Variants in GATC observed in about 807,000 individuals in gnomAD.
The protein encoded by GATC is glutamyl-tRNA(Gln) amidotransferase subunit C, mitochondrial.
GATC carries 11 observed loss-of-function variants against 14.4 expected under a neutral mutation model. The observed-to-expected ratio is 0.77, with a 90% CI of 0.48 to 1.27. The LOEUF (loss-of-function observed/expected upper bound fraction) is 1.27, where lower values mean the gene tolerates loss of function less well. Among genes scored for constraint, GATC ranks in the 50% most tolerant of loss-of-function variants. The pLI is 0.00. For synonymous variants in GATC, 76 were observed against 79.3 expected, an observed-to-expected ratio of 0.96 and a Z score of 0.22; for missense variants, 204 against 183.0, an observed-to-expected ratio of 1.11 and a Z score of -0.66.
chr12:120,448,730 C>G (rs1211045707), intron 2 of GATC, among the ~76,000 whole-genome samples: 5 of 146,904 alleles, frequency 3.4e-5, no homozygotes, highest in Admixed American at 2.7e-4. Flanking sequence ...ACTGCAACCT[C>G]CACCTTCCGG....
intron 2 of GATC, chr12:120,450,795 T>A (rs560096342): frequency 6.6e-6 from 1 of 152,252 alleles, no homozygotes; most frequent in South Asian, 2.1e-4. Context: ...CATCCTTCTT[T>A]GCAGGAGGCC....
At chr12:120,451,589 A>C (rs1046904146) in intron 2 of GATC, among the ~76,000 whole-genome samples, 2 of 151,784 alleles carry the variant, frequency 1.3e-5, no homozygotes, top group Non-Finnish European at 2.9e-5. Flanking sequence ...TAAAAATACA[A>C]AAATTAGCCG....
chr12:120,453,619 T>A (rs939741867), intron 2 of GATC, among the ~76,000 whole-genome samples: 2 of 152,204 alleles, frequency 1.3e-5, no homozygotes, highest in Admixed American at 6.5e-5. Context: ...TCCAAGAAAG[T>A]GAAGCAACTC....
intron 2 of GATC, among the ~76,000 whole-genome samples, chr12:120,451,875 C>CTTTTTTTTTTTCTTTTTTTTTTTTTTT (rs1382761116): frequency 5.5e-5 from 5 of 90,794 alleles, no homozygotes; most frequent in African/African-American, 1.7e-4. Flanking sequence ...TATATAAATT[C>CTTTTTTTTTTTCTTTTTTTTTTTTTTT]TTTTTTTTTT....
chr12:120,455,706 G>T (rs1271695648), intron 2 of GATC, among the ~76,000 whole-genome samples: 3 of 150,886 alleles, frequency 2.0e-5, no homozygotes, highest in Non-Finnish European at 4.4e-5. Flanking sequence ...TTTTTTTTGA[G>T]GCAGAGTATC....
intron 2 of GATC, chr12:120,454,949 G>A (rs1878142882): frequency 2.3e-6 from 1 of 443,472 alleles, no homozygotes; most frequent in African/African-American, 2.0e-5. Flanking sequence ...GTGCAGTGGT[G>A]TGATCTCCGC....
At position 120,460,350 on chromosome 12, in the gene GATC, A is replaced by C. The variant is rs893755187; in HGVS notation, c.*391A>C. 1 of 160,340 alleles carries C rather than the reference A, an allele frequency of 6.2e-6. No homozygotes were observed. The highest frequency in any genetic ancestry group is 1.4e-5 in the Non-Finnish European group (1 of 73,446). The allele number at this position is 160,340 out of a possible 1,614,324, so 9.9% of individuals were successfully genotyped here. On this transcript the variant is annotated 3_prime_UTR_variant, in exon 4 of 4. Transcript: ENST00000551765. Reference sequence around the variant, plus strand: ...TCACTATGTGACAACCTTGGCTGTCATTTTTAGTTGCCATTTGCATTGATT... The same window carrying C: ...TCACTATGTGACAACCTTGGCTGTCCTTTTTAGTTGCCATTTGCATTGATT...
Position 120,459,712 on chromosome 12 carries a change from C to T in GATC, c.359-195C>T, listed in dbSNP as rs565140563. On this transcript the variant is annotated intron_variant, in intron 3 of 3. Coordinates refer to ENST00000551765, the MANE Select transcript of GATC (RefSeq NM_176818.3). ...TCTATTAAAAATACAAAAAATTAGCCGGGAGAGGTGGCGGGCGCCTGTAGT... is the reference window on the plus strand; with the variant it reads ...TCTATTAAAAATACAAAAAATTAGCTGGGAGAGGTGGCGGGCGCCTGTAGT... 1.4e-4 allele frequency among the ~76,000 whole-genome samples: 21 copies of T among 152,200 alleles called. No individual in the cohort carries two copies. In the East Asian group the frequency reaches 2.3e-3, roughly 17 times the overall value.
At position 120,460,054 on chromosome 12, in the gene GATC, GTCCC is replaced by G; in HGVS notation, c.*96_*99del. On this transcript the variant is annotated 3_prime_UTR_variant, in exon 4 of 4. Coordinates refer to ENST00000551765, the MANE Select transcript of GATC (RefSeq NM_176818.3). ...AATACTAATGTTCCTGCTTTTTTCAGTCCCCTGAAAAAATGGATGCTCAAGCATT... is the reference window on the plus strand; with the variant it reads ...AATACTAATGTTCCTGCTTTTTTCAGCTGAAAAAATGGATGCTCAAGCATT... 2.2e-6 allele frequency: 2 copies of G among 917,914 alleles called. No individual in the cohort carries two copies. Among genetic ancestry groups the G allele is most frequent in the Non-Finnish European group, 3.4e-6 (2 of 585,844 alleles). The allele number at this position is 917,914 out of a possible 1,614,324, so 56.9% of individuals were successfully genotyped here.
At chr12:120,452,593 G>A (rs1391379207) in intron 2 of GATC, among the ~76,000 whole-genome samples, 1 of 152,020 alleles carries the variant, frequency 6.6e-6, no homozygotes, top group Non-Finnish European at 1.5e-5. Flanking sequence ...GTGGAGACAG[G>A]ATCTTGCTGT....
In GATC at chr12:120,457,602, CTTT is replaced by C. The variant is rs3999474; in HGVS notation, c.358+442_358+444del. On this transcript the variant is annotated intron_variant, in intron 3 of 3. Coordinates refer to ENST00000551765, the MANE Select transcript of GATC (RefSeq NM_176818.3). ...AAACCAGTCCTTTCCTAAAAGAATC[CTTT>C]TTTTTTTTTTTTTTTTTTGAGACGG... Among the ~76,000 whole-genome samples, 530 of 103,582 alleles carry C rather than the reference CTTT, an allele frequency of 5.1e-3. 2 individuals carry two copies. The highest frequency in any genetic ancestry group is 0.018 in the African/African-American group (449 of 25,168). The allele number at this position is 103,582 out of a possible 152,430, so 68.0% of individuals were successfully genotyped here.
In GATC at chr12:120,449,439, G is replaced by GTGTTT. The variant is rs147739868; in HGVS notation, c.254+2632_254+2636dup. On this transcript the variant is annotated intron_variant, in intron 2 of 3. Coordinates refer to ENST00000551765, the MANE Select transcript of GATC (RefSeq NM_176818.3). The stretch of plus-strand genomic sequence containing the variant: ...GGTTGGCACTGAGTATTCAGTAAAT[G>GTGTTT]TGTTTTGTTTTGTTTTGTTTTGTTT... 2.3e-3 allele frequency among the ~76,000 whole-genome samples: 351 copies of GTGTTT among 151,938 alleles called. 5 individuals are homozygous for GTGTTT. The East Asian group carries it at 0.04, about 17-fold the overall frequency.
intron 2 of GATC, among the ~76,000 whole-genome samples, chr12:120,448,208 C>T (rs1202430013): frequency 6.6e-6 from 1 of 151,778 alleles, no homozygotes; most frequent in Non-Finnish European, 1.5e-5. Flanking sequence ...AGGTGTGCAC[C>T]ACCACACCTG....
At chr12:120,454,957 CG>C in intron 2 of GATC, 1 of 449,992 alleles carries the variant, frequency 2.2e-6, no homozygotes, top group Non-Finnish European at 4.5e-6. Flanking sequence ...GTGTGATCTC[CG>C]CTCACTACAA....
intron 3 of GATC, among the ~76,000 whole-genome samples, chr12:120,458,033 G>A (rs1051277638): frequency 2.0e-4 from 30 of 152,024 alleles, no homozygotes; most frequent in Admixed American, 1.2e-3. Flanking sequence ...GTGTTGCCAG[G>A]CAGGAATGTA....
At position 120,457,170 on chromosome 12, in the gene GATC, GC is replaced by G. The variant is rs771445583; in HGVS notation, c.356del (p.Pro119GlnfsTer20). The G allele has an allele frequency of 4.3e-6, 7 of 1,609,332 alleles. No individual in the cohort carries two copies. The highest frequency in any genetic ancestry group is 1.7e-5 in the Admixed American group (1 of 59,800). On this transcript the variant is annotated frameshift_variant, in exon 3 of 4. Coordinates refer to ENST00000551765, the MANE Select transcript of GATC (RefSeq NM_176818.3). LOFTEE classifies it high-confidence loss of function. Reference sequence around the variant, plus strand: ...TCGCGTCGTGGAGGAGTACTTTGTGGCCCCCCCAGGTACGTGCTGCCCAGAA... The same window carrying G: ...TCGCGTCGTGGAGGAGTACTTTGTGGCCCCCCAGGTACGTGCTGCCCAGAA... ...SHRVVEEYFV[A>X]PPGNISLPKL...
intron 2 of GATC, among the ~76,000 whole-genome samples, chr12:120,449,538 C>T (rs1426186644): frequency 6.6e-6 from 1 of 152,170 alleles, no homozygotes; most frequent in Non-Finnish European, 1.5e-5. Flanking sequence ...CAACCTCTGC[C>T]TCCTGGGTTT....
chr12:120,450,039 G>A (rs1325385952), intron 2 of GATC, among the ~76,000 whole-genome samples: 1 of 152,296 alleles, frequency 6.6e-6, no homozygotes, highest in East Asian at 1.9e-4. Flanking sequence ...TGGGATTACA[G>A]GCATGAGCCA....
intron 2 of GATC, among the ~76,000 whole-genome samples, chr12:120,448,779 G>GGCTGAGGCGAGTAGT (rs1877954083): frequency 6.7e-6 from 1 of 148,978 alleles, no homozygotes; most frequent in Non-Finnish European, 1.5e-5. Flanking sequence ...CCGAGTAGCT[G>GGCTGAGGCGAGTAGT]GGACTACAGG....
Sources: allele counts gnomAD v4.1 joint callset (sites outside exome capture counted in the v4.1 genomes callset), GRCh38; gene constraint gnomAD v4.1.1; transcripts MANE v1.5; gene names NCBI Gene and HGNC (gene_info 2026-07-23, HGNC 2026-07-21).